CEP128: variants seen among roughly 807,000 people sequenced by gnomAD.
CEP128 encodes the protein centrosomal protein 128kDa.
In CEP128, 132 loss-of-function variants were observed where a neutral mutation model predicts 156.7. The observed-to-expected ratio is 0.84, with a 90% confidence interval of 0.73 to 0.97. CEP128 has a LOEUF of 0.97. Among genes scored for constraint, CEP128 ranks in the 50% least tolerant of loss-of-function variants. The probability of loss-of-function intolerance (pLI) is 0.00; values close to 1 mark genes in which losing one functional copy is unlikely to be tolerated. For missense variants in CEP128, 1,252 were observed against 1,281.9 expected (o/e 0.98, Z 0.36); for synonymous variants, 469 against 448.9 (o/e 1.04, Z -0.57).
Position 80,732,518 on chromosome 14 carries a change from G to GTGTA in CEP128, c.2806+10556_2806+10557insTACA, listed in dbSNP as rs1898328010. 2.7e-5 allele frequency among the ~76,000 whole-genome samples: 4 copies of GTGTA among 146,730 alleles called. No homozygotes were observed. In the South Asian group the frequency reaches 8.8e-4, roughly 32 times the overall value. ...TGTGTGTGTGTGTGTGTGTGTGTGT[G>GTGTA]TGGTTTCTCCAATAAAACCTGTTAG... is the stretch of plus-strand genomic sequence containing the variant. On this transcript the variant is annotated intron_variant, in intron 19 of 24. Coordinates refer to ENST00000555265, the MANE Select transcript of CEP128 (RefSeq NM_152446.5).
At chr14:80,900,243 C>G (rs140528962) in intron 6 of CEP128, among the ~76,000 whole-genome samples, 2 of 152,298 alleles carry the variant, frequency 1.3e-5, no homozygotes, top group Admixed American at 6.5e-5. Flanking sequence ...ACATTTTCTA[C>G]AGTACAATTC....
intron 19 of CEP128, among the ~76,000 whole-genome samples, chr14:80,639,679 A>C (rs1894331474): frequency 6.6e-6 from 1 of 152,142 alleles, no homozygotes; most frequent in Non-Finnish European, 1.5e-5. Flanking sequence ...TACATCTTAG[A>C]AACAGCTGAT....
At chr14:80,643,335 G>T (rs1894499513) in intron 19 of CEP128, among the ~76,000 whole-genome samples, 1 of 152,144 alleles carries the variant, frequency 6.6e-6, no homozygotes, top group South Asian at 2.1e-4. Context: ...ATCAATAATG[G>T]AGGCCAGCGG....
chr14:80,900,799 G>C (rs1227654031), intron 6 of CEP128, among the ~76,000 whole-genome samples: 3 of 152,110 alleles, frequency 2.0e-5, no homozygotes, highest in Non-Finnish European at 2.9e-5. Context: ...TAAATAAGAT[G>C]TAGGTAGTAA....
At chr14:80,643,043 C>T (rs936758895) in intron 19 of CEP128, among the ~76,000 whole-genome samples, 1 of 152,116 alleles carries the variant, frequency 6.6e-6, no homozygotes, top group African/African-American at 2.4e-5. Flanking sequence ...CGTGAGCCAC[C>T]GCGCCCGGCT....
intron 13 of CEP128, among the ~76,000 whole-genome samples, chr14:80,799,586 C>T (rs371171589): frequency 2.4e-4 from 37 of 152,238 alleles, no homozygotes; most frequent in Middle Eastern, 3.4e-3. Flanking sequence ...GGGAAGATAT[C>T]GCTAAATTCT....
At chr14:80,602,629 C>T (rs1303201220) in intron 19 of CEP128, among the ~76,000 whole-genome samples, 1 of 152,052 alleles carries the variant, frequency 6.6e-6, no homozygotes, top group Non-Finnish European at 1.5e-5. Context: ...AATAATTAGC[C>T]AGGCATGGTG....
At chr14:80,634,207 A>C (rs1374260836) in intron 19 of CEP128, among the ~76,000 whole-genome samples, 2 of 152,226 alleles carry the variant, frequency 1.3e-5, no homozygotes, top group Non-Finnish European at 2.9e-5. Flanking sequence ...GATTGCTTTC[A>C]GAGGAATAAC....
intron 20 of CEP128, among the ~76,000 whole-genome samples, chr14:80,564,649 G>A (rs8017175): frequency 0.11 from 16,636 of 152,218 alleles, 1,303 homozygotes; most frequent in East Asian, 0.31. Flanking sequence ...CTTTGGGAAG[G>A]AATTCAGTTC....
intron 19 of CEP128, among the ~76,000 whole-genome samples, chr14:80,675,967 A>C (rs1254476838): frequency 6.6e-6 from 1 of 152,114 alleles, no homozygotes; most frequent in East Asian, 1.9e-4. Flanking sequence ...AACTTCACAA[A>C]CAGCCATGAC....
At chr14:80,766,104 A>G (rs1034114046) in intron 16 of CEP128, among the ~76,000 whole-genome samples, 2 of 152,176 alleles carry the variant, frequency 1.3e-5, no homozygotes, top group Non-Finnish European at 2.9e-5. Context: ...TAATATCCCA[A>G]ACTTTTAAAG....
upstream of CEP128, among the ~76,000 whole-genome samples, chr14:80,945,156 A>T (rs1396613454): frequency 6.6e-6 from 1 of 152,204 alleles, no homozygotes; most frequent in Non-Finnish European, 1.5e-5. Context: ...AGGTTCTCCT[A>T]AGGTCTCTGT....
chr14:80,497,596 A>G lies in CEP128; in HGVS notation c.3182-14T>C, dbSNP rs1441418084. 2 of 1,561,982 alleles carry G rather than the reference A, an allele frequency of 1.3e-6. No homozygotes were observed. The highest frequency in any genetic ancestry group is 1.4e-5 in the African/African-American group (1 of 73,648). The stretch of plus-strand genomic sequence containing the variant: ...TTTTGGTAAATGCTGGCAAGGTAAG[A>G]AGAAAAAGAAAAATAAACCTAGGTG... On this transcript the variant is annotated splice_polypyrimidine_tract_variant and intron_variant, in intron 24 of 24. Transcript: ENST00000555265.
chr14:80,701,060 G>T (rs1008565479), intron 19 of CEP128, among the ~76,000 whole-genome samples: 1 of 152,154 alleles, frequency 6.6e-6, no homozygotes, highest in Non-Finnish European at 1.5e-5. Flanking sequence ...CATCAGATTA[G>T]CCAGGGTAAA....
intron 2 of CEP128, among the ~76,000 whole-genome samples, chr14:80,929,680 A>C (rs75227998): frequency 0.031 from 4,708 of 152,228 alleles, 239 homozygotes; most frequent in African/African-American, 0.11. Flanking sequence ...ACACAAAGAC[A>C]TACAGAGTGG....
chr14:80,848,464 A>G (rs1294056555), intron 9 of CEP128, among the ~76,000 whole-genome samples: 1 of 152,118 alleles, frequency 6.6e-6, no homozygotes, highest in Non-Finnish European at 1.5e-5. Flanking sequence ...GTTTGAGACC[A>G]GCCTGGTCAA....
chr14:80,884,906 TG>T lies in CEP128; in HGVS notation c.645+10811del, dbSNP rs955041770. ...CAAAGCCCAGCAAGCTAAGAACCACTGGCTTGAAATTCTTGCTGCCAGCATA... is the reference window on the plus strand; with the variant it reads ...CAAAGCCCAGCAAGCTAAGAACCACTGCTTGAAATTCTTGCTGCCAGCATA... On this transcript the variant is annotated intron_variant, in intron 8 of 24. Transcript: ENST00000555265. Among the ~76,000 whole-genome samples the T allele has an allele frequency of 5.3e-4, 81 of 152,280 alleles. 1 individual carries two copies. The highest frequency in any genetic ancestry group is 1.8e-3 in the African/African-American group (75 of 41,558).
intron 14 of CEP128, among the ~76,000 whole-genome samples, chr14:80,787,229 A>AGGAGAATCCATGT (rs1901456331): frequency 6.6e-6 from 1 of 152,200 alleles, no homozygotes; most frequent in South Asian, 2.1e-4. Context: ...GGAGGTTCTG[A>AGGAGAATCCATGT]GGAGAATCCA....
intron 19 of CEP128, among the ~76,000 whole-genome samples, chr14:80,621,634 G>T (rs528502119): frequency 6.6e-6 from 1 of 151,922 alleles, no homozygotes; most frequent in Non-Finnish European, 1.5e-5. Flanking sequence ...CTAAAAAGGG[G>T]GTACGGTCTA....
Sources: allele counts gnomAD v4.1 joint callset (sites outside exome capture counted in the v4.1 genomes callset), GRCh38; gene constraint gnomAD v4.1.1; transcripts MANE v1.5; gene names NCBI Gene and HGNC (gene_info 2026-07-23, HGNC 2026-07-21).